ADCY2: variants seen among roughly 807,000 people sequenced by gnomAD.
The protein encoded by ADCY2 is adenylate cyclase type 2.
In ADCY2, 31 loss-of-function variants were observed where a neutral mutation model predicts 125.2. The ratio of observed to expected loss-of-function variants is 0.25; its 90% CI spans 0.19 to 0.33. The LOEUF is 0.33. Among genes scored for constraint, ADCY2 ranks in the 10% least tolerant of loss-of-function variants. The pLI is 1.00. For synonymous variants in ADCY2, 512 were observed against 548.4 expected, an observed-to-expected ratio of 0.93 and a Z score of 0.93; for missense variants, 904 against 1,418.2, an observed-to-expected ratio of 0.64 and a Z score of 5.82.
At chr5:7,427,334 C>T (rs1267046049) in intron 2 of ADCY2, among the ~76,000 whole-genome samples, 1 of 152,182 alleles carries the variant, frequency 6.6e-6, no homozygotes. Context: ...ATAAAGGAAA[C>T]AGGTTTAATT....
chr5:7,435,162 G>T (rs915928542), intron 2 of ADCY2, among the ~76,000 whole-genome samples: 1 of 152,144 alleles, frequency 6.6e-6, no homozygotes, highest in African/African-American at 2.4e-5. Flanking sequence ...GTTGTGCCAC[G>T]GTCTTGGGCT....
chr5:7,486,425 T>A, intron 2 of ADCY2, among the ~76,000 whole-genome samples: 1 of 152,224 alleles, frequency 6.6e-6, no homozygotes, highest in East Asian at 1.9e-4. Context: ...CTCCAAGTTA[T>A]TTTTAACATG....
In ADCY2 at chr5:7,564,897, G is replaced by GA. The variant is rs147960854; in HGVS notation, c.570+44003dup. On this transcript the variant is annotated intron_variant, in intron 3 of 24. Coordinates refer to ENST00000338316, the MANE Select transcript of ADCY2 (RefSeq NM_020546.3). ...TACAAGACTATTACCAAGAGATAAT[G>GA]AAAAAGCATCATCGGAGACAACAGA... 3.2e-3 allele frequency among the ~76,000 whole-genome samples: 480 copies of GA among 152,258 alleles called. 21 individuals carry two copies. In the East Asian group the frequency reaches 0.079, roughly 25 times the overall value.
Position 7,481,407 on chromosome 5 carries a change from C to G in ADCY2, c.409-39331C>G, listed in dbSNP as rs111900519. Among the ~76,000 whole-genome samples, 1,000 of 152,224 alleles carry G rather than the reference C, an allele frequency of 6.6e-3. 5 individuals carry two copies. The highest frequency in any genetic ancestry group is 0.023 in the African/African-American group (960 of 41,526). ...TCAGCTTCCTGAGCAGCTGGGACTA[C>G]AGGCGCCTGCCACCACGCCTGGCTA... On this transcript the variant is annotated intron_variant, in intron 2 of 24. Transcript: ENST00000338316.
intron 3 of ADCY2, among the ~76,000 whole-genome samples, chr5:7,548,815 G>C (rs1311164904): frequency 3.3e-5 from 5 of 152,118 alleles, no homozygotes; most frequent in Non-Finnish European, 7.4e-5. Context: ...AGCCATCTGT[G>C]ATTTGCATAC....
intron 2 of ADCY2, among the ~76,000 whole-genome samples, chr5:7,426,303 C>A (rs1740385909): frequency 6.6e-6 from 1 of 152,190 alleles, no homozygotes; most frequent in Admixed American, 6.5e-5. Flanking sequence ...GCTGCTATAA[C>A]AAAATACCAC....
chr5:7,595,170 C>G (rs1213042036), intron 3 of ADCY2, among the ~76,000 whole-genome samples: 1 of 152,046 alleles, frequency 6.6e-6, no homozygotes, highest in Non-Finnish European at 1.5e-5. Flanking sequence ...CTGATCACAC[C>G]CCAGTGCAAG....
intron 2 of ADCY2, among the ~76,000 whole-genome samples, chr5:7,483,047 T>A (rs1039269096): frequency 2.6e-5 from 4 of 151,878 alleles, no homozygotes; most frequent in Admixed American, 2.6e-4. Flanking sequence ...GAGACATTGG[T>A]TAATGGGTAC....
At chr5:7,768,275 A>G (rs1391839039) in intron 17 of ADCY2, among the ~76,000 whole-genome samples, 1 of 152,196 alleles carries the variant, frequency 6.6e-6, no homozygotes, top group Non-Finnish European at 1.5e-5. Flanking sequence ...GTGAAAAGCT[A>G]GAGTCATTGT....
At chr5:7,734,065 A>C (rs916290704) in intron 14 of ADCY2, among the ~76,000 whole-genome samples, 1 of 152,254 alleles carries the variant, frequency 6.6e-6, no homozygotes, top group Admixed American at 6.5e-5. Context: ...TTTTTATTTC[A>C]TGCTAACTTA....
intron 16 of ADCY2, among the ~76,000 whole-genome samples, chr5:7,762,793 T>C (rs1218332600): frequency 6.6e-6 from 1 of 152,134 alleles, no homozygotes; most frequent in Non-Finnish European, 1.5e-5. Context: ...TTTCTATTTC[T>C]CAGTTGTTAA....
At chr5:7,688,088 A>G (rs1337398949) in intron 4 of ADCY2, among the ~76,000 whole-genome samples, 1 of 152,198 alleles carries the variant, frequency 6.6e-6, no homozygotes, top group African/African-American at 2.4e-5. Context: ...GTAATTATTT[A>G]TAGTCTACCT....
chr5:7,817,599 G>A (rs996535743), intron 23 of ADCY2, among the ~76,000 whole-genome samples: 1 of 152,122 alleles, frequency 6.6e-6, no homozygotes, highest in Non-Finnish European at 1.5e-5. Context: ...GGCTGAGGTG[G>A]GAAGATCACT....
chr5:7,783,385 A>T (rs1579430882), intron 18 of ADCY2, among the ~76,000 whole-genome samples: 1 of 152,100 alleles, frequency 6.6e-6, no homozygotes, highest in South Asian at 2.1e-4. Context: ...CTGATGGGGA[A>T]AGTGACGTTT....
intron 1 of ADCY2, among the ~76,000 whole-genome samples, chr5:7,408,008 A>G (rs1739566723): frequency 6.6e-6 from 1 of 150,844 alleles, no homozygotes; most frequent in African/African-American, 2.4e-5. Flanking sequence ...AGCTGGGTTT[A>G]CAGGCATGTG....
At chr5:7,723,162 G>C (rs947501342) in intron 12 of ADCY2, among the ~76,000 whole-genome samples, 10 of 151,938 alleles carry the variant, frequency 6.6e-5, no homozygotes, top group Non-Finnish European at 1.5e-4. Context: ...GAGGGTGGGA[G>C]GAGGGAGAGG....
chr5:7,706,901 G>A lies in ADCY2; in HGVS notation c.1267G>A (p.Gly423Arg). 6.2e-7 allele frequency: 1 copy of A among 1,614,068 alleles called. No individual in the cohort carries two copies. The highest frequency in any genetic ancestry group is 8.5e-7 in the Non-Finnish European group (1 of 1,179,976). ...ANHMEAGGVPGRVHISSVTLE... is the reference protein window; with the variant it reads ...ANHMEAGGVPRRVHISSVTLE... The stretch of plus-strand genomic sequence containing the variant: ...CCACATGGAAGCTGGAGGGGTCCCT[G>A]GGTAAGGCCAAGCATTGGATTTCTT... Residue 423 changes from glycine (G) to arginine (R), a missense_variant and splice_region_variant, in exon 8 of 25, where the codon GGA (glycine) becomes AGA (arginine). By Grantham distance (125) the Gly-to-Arg change is moderately radical (BLOSUM62 -2). Coordinates refer to ENST00000338316, the MANE Select transcript of ADCY2 (RefSeq NM_020546.3).
At chr5:7,713,319 C>T (rs959546984) in intron 11 of ADCY2, among the ~76,000 whole-genome samples, 5 of 151,598 alleles carry the variant, frequency 3.3e-5, no homozygotes, top group Admixed American at 6.6e-5. Flanking sequence ...AACAAAACCA[C>T]GTCTCTACTA....
chr5:7,727,372 T>C, intron 14 of ADCY2, 111 bp downstream of exon 14: 1 of 866,702 alleles, frequency 1.2e-6, no homozygotes, highest in Non-Finnish European at 1.8e-6. Flanking sequence ...AGGGGTGATT[T>C]AATGTCATGG....
Sources: allele counts gnomAD v4.1 joint callset (sites outside exome capture counted in the v4.1 genomes callset), GRCh38; gene constraint gnomAD v4.1.1; transcripts MANE v1.5; gene names NCBI Gene and HGNC (gene_info 2026-07-23, HGNC 2026-07-21).